CNTN1: variants seen among roughly 807,000 people sequenced by gnomAD.
CNTN1 encodes the protein contactin-1.
A neutral mutation model predicts 126.4 loss-of-function variants in CNTN1; 38 were observed. The ratio of observed to expected loss-of-function variants is 0.30; its 90% CI spans 0.23 to 0.39. The LOEUF (loss-of-function observed/expected upper bound fraction) is 0.39. Ranked by LOEUF, CNTN1 falls within the 10% of genes least tolerant of loss-of-function variation. The pLI, the probability that CNTN1 is intolerant of heterozygous loss-of-function variation, is 1.00. For synonymous variants in CNTN1, 413 were observed against 422.6 expected, an observed-to-expected ratio of 0.98 and a Z score of 0.28; for missense variants, 1,009 against 1,248.4, an observed-to-expected ratio of 0.81 and a Z score of 2.89.
intron 1 of CNTN1, among the ~76,000 whole-genome samples, chr12:40,839,086 C>A (rs1346322753): frequency 6.6e-6 from 1 of 151,554 alleles, no homozygotes; most frequent in African/African-American, 2.4e-5. Context: ...TAAGAAAAAA[C>A]AAATAGAAAT....
intron 1 of CNTN1, among the ~76,000 whole-genome samples, chr12:40,853,769 C>T (rs149505052): frequency 6.6e-6 from 1 of 151,848 alleles, no homozygotes; most frequent in African/African-American, 2.4e-5. Flanking sequence ...GTCTAGCTCC[C>T]TCTCTAGCTC....
chr12:40,876,169 A>G (rs896851989), intron 1 of CNTN1, among the ~76,000 whole-genome samples: 1 of 150,894 alleles, frequency 6.6e-6, no homozygotes, highest in Admixed American at 6.6e-5. Flanking sequence ...AAAACAGTTT[A>G]AGGTTTTCTA....
intron 1 of CNTN1, among the ~76,000 whole-genome samples, chr12:40,886,715 T>A (rs1216521242): frequency 1.3e-5 from 2 of 152,196 alleles, no homozygotes; most frequent in Non-Finnish European, 2.9e-5. Context: ...AACATGTAAG[T>A]CTTTAATCCA....
intron 1 of CNTN1, among the ~76,000 whole-genome samples, chr12:40,781,402 C>T (rs1321246861): frequency 6.6e-6 from 1 of 152,002 alleles, no homozygotes; most frequent in Non-Finnish European, 1.5e-5. Context: ...TTGGTTCAGG[C>T]TGGGCCATTG....
chr12:40,911,334 C>T (rs1478134550), intron 3 of CNTN1, among the ~76,000 whole-genome samples: 1 of 152,252 alleles, frequency 6.6e-6, no homozygotes, highest in Non-Finnish European at 1.5e-5. Flanking sequence ...CCCGCCTTAG[C>T]CTCCCAAAGA....
chr12:40,938,671 A>G (rs112238512), intron 11 of CNTN1, among the ~76,000 whole-genome samples: 2,487 of 152,274 alleles, frequency 0.016, 46 homozygotes, highest in Middle Eastern at 0.031. Flanking sequence ...ATGCTGGTCA[A>G]TTTTTTCCAG....
rs558725161 is a variant in CNTN1 at position 40,939,705 on chromosome 12, A to G, written c.1379+220A>G. On this transcript the variant is annotated intron_variant, in intron 12 of 23. Transcript: ENST00000551295. ...GGACTCTATAATGTATAAGGAATTT[A>G]GAAAATTGAAGCTCAGAGGTGTTTT... 2.0e-5 allele frequency among the ~76,000 whole-genome samples: 3 copies of G among 152,268 alleles called. No homozygotes were observed. In the East Asian group the frequency reaches 5.8e-4, roughly 29 times the overall value.
intron 1 of CNTN1, among the ~76,000 whole-genome samples, chr12:40,897,546 C>T (rs1359538885): frequency 6.6e-6 from 1 of 152,098 alleles, no homozygotes; most frequent in African/African-American, 2.4e-5. Context: ...AATCACTTTC[C>T]TTTAGATACC....
intron 1 of CNTN1, among the ~76,000 whole-genome samples, chr12:40,781,861 A>G (rs1273515589): frequency 6.6e-6 from 1 of 151,984 alleles, no homozygotes; most frequent in Non-Finnish European, 1.5e-5. Context: ...ATCTGATCTC[A>G]TATTTTCTCA....
intron 15 of CNTN1, among the ~76,000 whole-genome samples, chr12:40,973,688 T>C (rs1409811268): frequency 3.9e-5 from 6 of 152,142 alleles, no homozygotes; most frequent in Non-Finnish European, 7.4e-5. Flanking sequence ...GTATGTGCTA[T>C]ATGAATTCCC....
intron 1 of CNTN1, among the ~76,000 whole-genome samples, chr12:40,874,708 A>G (rs761311026): frequency 1.3e-5 from 2 of 152,180 alleles, no homozygotes; most frequent in Non-Finnish European, 2.9e-5. Context: ...GAATGAAACT[A>G]CAGTTCATTC....
chr12:40,894,908 A>C (rs1944354595), intron 1 of CNTN1, among the ~76,000 whole-genome samples: 1 of 152,194 alleles, frequency 6.6e-6, no homozygotes, highest in African/African-American at 2.4e-5. Flanking sequence ...TTGAACTGGC[A>C]TATTTGAGAA....
intron 1 of CNTN1, among the ~76,000 whole-genome samples, chr12:40,762,524 A>G (rs2136418411): frequency 6.6e-6 from 1 of 152,384 alleles, no homozygotes; most frequent in South Asian, 2.1e-4. Context: ...TTAGATAAGT[A>G]ATATGTACTA....
chr12:40,968,935 C>T (rs1167241988), intron 15 of CNTN1, among the ~76,000 whole-genome samples: 1 of 152,076 alleles, frequency 6.6e-6, no homozygotes, highest in Non-Finnish European at 1.5e-5. Flanking sequence ...AGGTAATTCC[C>T]TCAAAACACT....
chr12:40,738,332 G>A (rs545515724), intron 1 of CNTN1, among the ~76,000 whole-genome samples: 144 of 151,974 alleles, frequency 9.5e-4, no homozygotes, highest in African/African-American at 3.3e-3. Flanking sequence ...TTGGGAGATG[G>A]GGCAGAAATT....
At chr12:40,810,385 T>C (rs1941015519) in intron 1 of CNTN1, among the ~76,000 whole-genome samples, 1 of 152,210 alleles carries the variant, frequency 6.6e-6, no homozygotes, top group Non-Finnish European at 1.5e-5. Flanking sequence ...TTGTCCTTTT[T>C]GTGCTGACAA....
chr12:40,897,545 C>T (rs1442078245), intron 1 of CNTN1, among the ~76,000 whole-genome samples: 1 of 152,122 alleles, frequency 6.6e-6, no homozygotes, highest in East Asian at 1.9e-4. Flanking sequence ...GAATCACTTT[C>T]CTTTAGATAC....
chr12:41,006,793 A>G (rs185101301), intron 17 of CNTN1, among the ~76,000 whole-genome samples: 50 of 152,320 alleles, frequency 3.3e-4, no homozygotes, highest in Non-Finnish European at 6.0e-4. Flanking sequence ...GAGTCAAAGC[A>G]TTTGCATGGG....
rs770410640 is a variant in CNTN1, at chr12:40,918,784, G to A, written c.227+13G>A. On this transcript the variant is annotated intron_variant, in intron 4 of 23. Coordinates refer to ENST00000551295, the MANE Select transcript of CNTN1 (RefSeq NM_001843.4). ...TCCCGGTTTACAAGTAATGTACCTCGCTTCTCTTTTCAGAGTGGAGTGTCA... is the reference window on the plus strand; with the variant it reads ...TCCCGGTTTACAAGTAATGTACCTCACTTCTCTTTTCAGAGTGGAGTGTCA... The A allele has an allele frequency of 5.6e-6, 9 of 1,613,010 alleles. No individual in the cohort carries two copies. Among genetic ancestry groups the A allele is most frequent in the South Asian group, 5.5e-5 (5 of 91,062 alleles).
Sources: gnomAD v4.1 joint callset for allele counts (sites outside exome capture counted in the v4.1 genomes callset) on GRCh38, gnomAD v4.1.1 for gene constraint, MANE v1.5 for transcripts, NCBI Gene and HGNC (gene_info 2026-07-23, HGNC 2026-07-21) for gene names.